SDK1: variants seen among roughly 807,000 people sequenced by gnomAD.
The protein encoded by SDK1 is sidekick cell adhesion molecule 1.
In SDK1, 157 loss-of-function variants were observed where a neutral mutation model predicts 245.5. That is an observed-to-expected ratio of 0.64 (90% CI 0.56 to 0.73). The LOEUF (loss-of-function observed/expected upper bound fraction) is 0.73. Ranked by LOEUF, SDK1 falls within the 30% of genes least tolerant of loss-of-function variation. SDK1 has a pLI of 0.00. For synonymous variants in SDK1, 1,647 were observed against 1,278.5 expected, an observed-to-expected ratio of 1.29 and a Z score of -6.15; for missense variants, 3,583 against 3,002.3, an observed-to-expected ratio of 1.19 and a Z score of -4.52.
chr7:3,438,847 A>ATGTTTTTT (rs1562486729), intron 1 of SDK1, among the ~76,000 whole-genome samples: 1 of 110,188 alleles, frequency 9.1e-6, no homozygotes, highest in African/African-American at 3.9e-5. Context: ...CTTTGTATTA[A>ATGTTTTTT]TATTTTTTTT....
At chr7:3,862,794 G>A (rs1451805852) in intron 5 of SDK1, among the ~76,000 whole-genome samples, 3 of 152,306 alleles carry the variant, frequency 2.0e-5, no homozygotes, top group South Asian at 4.1e-4. Flanking sequence ...GTACCAGGGA[G>A]CAGTTTTGTG....
intron 5 of SDK1, among the ~76,000 whole-genome samples, chr7:3,949,730 C>T (rs569572437): frequency 1.3e-5 from 2 of 152,182 alleles, no homozygotes; most frequent in African/African-American, 2.4e-5. Context: ...TAGAGAAAAG[C>T]GGCAAAAAAT....
intron 1 of SDK1, among the ~76,000 whole-genome samples, chr7:3,561,249 G>A (rs1035114425): frequency 6.6e-6 from 1 of 152,132 alleles, no homozygotes; most frequent in Non-Finnish European, 1.5e-5. Flanking sequence ...TCAAGGGCAG[G>A]GGGTTGATCC....
At chr7:4,127,901 A>G (rs1323814183) in intron 26 of SDK1, among the ~76,000 whole-genome samples, 1 of 152,156 alleles carries the variant, frequency 6.6e-6, no homozygotes, top group Non-Finnish European at 1.5e-5. Context: ...GGGGTCTTTT[A>G]CACAGCACGC....
At chr7:4,010,798 T>C (rs1785884019) in intron 14 of SDK1, among the ~76,000 whole-genome samples, 168 bp from the exon 15 acceptor site, 1 of 152,192 alleles carries the variant, frequency 6.6e-6, no homozygotes, top group Non-Finnish European at 1.5e-5. Flanking sequence ...ACTAGCCACA[T>C]GGCCAGAGCC....
intron 4 of SDK1, among the ~76,000 whole-genome samples, chr7:3,698,275 C>G (rs182677739): frequency 6.6e-5 from 10 of 152,300 alleles, no homozygotes; most frequent in Middle Eastern, 3.4e-3. Flanking sequence ...AGCGTGACCC[C>G]CATCAGAATG....
intron 4 of SDK1, among the ~76,000 whole-genome samples, chr7:3,781,945 G>A (rs1780758460): frequency 6.6e-6 from 1 of 152,166 alleles, no homozygotes; most frequent in Non-Finnish European, 1.5e-5. Context: ...TGACACCTTT[G>A]TATAATGTGA....
At chr7:3,346,104 A>G (rs1413047076) in intron 1 of SDK1, among the ~76,000 whole-genome samples, 6 of 152,230 alleles carry the variant, frequency 3.9e-5, no homozygotes, top group African/African-American at 1.4e-4. Context: ...AACTTGTGAT[A>G]CTGCATCCTC....
intron 1 of SDK1, among the ~76,000 whole-genome samples, chr7:3,388,470 A>G (rs1781664567): frequency 6.6e-6 from 1 of 152,028 alleles, no homozygotes; most frequent in Non-Finnish European, 1.5e-5. Context: ...GCAAGATCAT[A>G]GCTCATTGTA....
intron 4 of SDK1, among the ~76,000 whole-genome samples, chr7:3,722,663 C>G (rs770695215): frequency 2.2e-4 from 33 of 152,202 alleles, no homozygotes; most frequent in Non-Finnish European, 4.4e-4. Context: ...TTAGCAGCAT[C>G]CTGTAGCCAC....
intron 1 of SDK1, among the ~76,000 whole-genome samples, chr7:3,408,065 A>AG (rs1779099439): frequency 1.3e-5 from 2 of 151,878 alleles, no homozygotes; most frequent in African/African-American, 2.4e-5. Flanking sequence ...TTTGAAGTAG[A>AG]GTCTTGCTGT....
intron 1 of SDK1, among the ~76,000 whole-genome samples, chr7:3,545,165 G>A (rs931811706): frequency 6.6e-6 from 1 of 152,062 alleles, no homozygotes; most frequent in Non-Finnish European, 1.5e-5. Flanking sequence ...TTTAATTGAC[G>A]CCTAACAGAC....
At chr7:3,874,604 C>G (rs553443718) in intron 5 of SDK1, among the ~76,000 whole-genome samples, 1 of 152,292 alleles carries the variant, frequency 6.6e-6, no homozygotes, top group African/African-American at 2.4e-5. Context: ...TCTCCACCCC[C>G]GTTCCCCTGC....
chr7:3,448,305 C>G (rs981804856), intron 1 of SDK1, among the ~76,000 whole-genome samples: 2 of 151,880 alleles, frequency 1.3e-5, no homozygotes, highest in Admixed American at 1.3e-4. Flanking sequence ...TCAGTTTTGT[C>G]TTGTGTGAAT....
intron 1 of SDK1, among the ~76,000 whole-genome samples, chr7:3,376,502 G>A (rs1781359695): frequency 6.6e-6 from 1 of 152,164 alleles, no homozygotes; most frequent in African/African-American, 2.4e-5. Flanking sequence ...AATTCACAAA[G>A]TAGAAATAAA....
rs932330689 is a variant in SDK1 at position 3,886,808 on chromosome 7, T to TG, written c.848-64112dup. On this transcript the variant is annotated intron_variant, in intron 5 of 44. Transcript: ENST00000404826. ...GTATGATCCTGTAGTCTCAACTACT[T>TG]GGGAGGCTAAGGCAAGAGGATCACT... is the stretch of plus-strand genomic sequence containing the variant. Among the ~76,000 whole-genome samples the TG allele has an allele frequency of 5.3e-5, 8 of 152,324 alleles. No individual in the cohort carries two copies. The East Asian group carries it at 7.7e-4, about 15-fold the overall frequency.
intron 5 of SDK1, among the ~76,000 whole-genome samples, chr7:3,851,282 G>C (rs1780412853): frequency 6.6e-6 from 1 of 151,940 alleles, no homozygotes; most frequent in South Asian, 2.1e-4. Context: ...TTTTTTAATT[G>C]AATTATTTGG....
rs188142617 is a variant in SDK1 at position 3,641,442 on chromosome 7, T to C, written c.566-516T>C. Among the ~76,000 whole-genome samples, 179 of 152,188 alleles carry C rather than the reference T, an allele frequency of 1.2e-3. 1 individual carries two copies. Among genetic ancestry groups the C allele is most frequent in the African/African-American group, 4.0e-3 (167 of 41,532 alleles). ...AGTCAACAGTATGAGAGTGGGAGAA[T>C]AGTATATAGACTCTTCAGTGGTTAG... On this transcript the variant is annotated intron_variant, in intron 3 of 44. Coordinates refer to ENST00000404826, the MANE Select transcript of SDK1 (RefSeq NM_152744.4).
intron 1 of SDK1, among the ~76,000 whole-genome samples, chr7:3,364,108 T>C (rs563987908): frequency 5.3e-4 from 81 of 152,218 alleles, no homozygotes; most frequent in Non-Finnish European, 9.7e-4. Context: ...GTGAAACGTT[T>C]ATGTCTTTTA....
Sources: allele counts gnomAD v4.1 joint callset (sites outside exome capture counted in the v4.1 genomes callset), GRCh38; gene constraint gnomAD v4.1.1; transcripts MANE v1.5; gene names NCBI Gene and HGNC (gene_info 2026-07-23, HGNC 2026-07-21).